The following ASMT variants were observed in gnomAD, a reference collection of about 807,000 sequenced individuals.
ASMT encodes acetylserotonin N-methyltransferase.
In ASMT, 53 loss-of-function variants were observed where a neutral mutation model predicts 41.3. The observed-to-expected ratio is 1.28, with a 90% CI of 1.03 to 1.61. The LOEUF (loss-of-function observed/expected upper bound fraction) is 1.61. Ranked by LOEUF, ASMT falls within the 40% of genes most tolerant of loss-of-function variation. The probability of loss-of-function intolerance (pLI) is 0.00; values close to 1 mark genes in which losing one functional copy is unlikely to be tolerated. For synonymous variants in ASMT, 231 were observed against 184.8 expected, an observed-to-expected ratio of 1.25 and a Z score of -2.03; for missense variants, 531 against 441.3, an observed-to-expected ratio of 1.20 and a Z score of -1.82.
rs761857507 is a variant in ASMT at position 1,623,236 on chromosome X, G to A, written c.167G>A (p.Ser56Asn). The change falls in exon 2 of 9, where the codon AGC (serine) becomes AAC (asparagine). Residue 56 changes from serine to asparagine, a missense_variant. Transcript: ENST00000381241. The stretch of plus-strand genomic sequence containing the variant: ...GCAGTGGCTGCAGGTGTGAGGGCCA[G>A]CGCCCATGGGACAGAGCTCCTGCTG... ...VAAVAAGVRA[S>N]AHGTELLLDI... is the part of the protein sequence containing the mutation. The A allele has an allele frequency of 6.2e-7, 1 of 1,613,802 alleles. No individual in the cohort carries two copies. The highest frequency in any genetic ancestry group is 1.1e-5 in the South Asian group (1 of 91,068).
intron 8 of ASMT, 190 bp downstream of exon 8, chrX:1,636,750 A>C: frequency 2.7e-6 from 1 of 370,030 alleles, no homozygotes; most frequent in Non-Finnish European, 3.7e-6. Context: ...ATAAAACCAC[A>C]TAAAGATGGA....
At chrX:1,626,567 A>T (rs1305177901) in intron 3 of ASMT, among the ~76,000 whole-genome samples, 1 of 152,100 alleles carries the variant, frequency 6.6e-6, no homozygotes, top group Non-Finnish European at 1.5e-5. Flanking sequence ...ATGGGTTGTT[A>T]TGCCAGAGTC....
At chrX:1,630,420 C>G (rs1248871537) in intron 5 of ASMT, among the ~76,000 whole-genome samples, 1 of 151,580 alleles carries the variant, frequency 6.6e-6, no homozygotes, top group South Asian at 2.1e-4. Context: ...ATTCTCCTGC[C>G]CCAGCCTCCC....
rs1934821547 is a variant in ASMT, at chrX:1,632,706, A to T, written c.565A>T (p.Thr189Ser). ...GGATGCGTTCATGTCCTTTGCAGGG[A>T]CATGGATAAAGCTGGAAACCATCAT... ...VFPLMCDLGG[T>S]WIKLETIILS... Residue 189 changes from threonine to serine, a missense_variant and splice_region_variant, in exon 6 of 9, where the codon ACA becomes TCA. Thr to Ser is a moderately conservative substitution (Grantham distance 58). Transcript: ENST00000381241. 4.0e-6 allele frequency: 1 copy of T among 250,456 alleles called. No individual in the cohort carries two copies. 15.5% of individuals were successfully genotyped at this position (250,456 alleles called of 1,614,324 possible).
chrX:1,620,415 G>A (rs1384497194), intron 1 of ASMT, among the ~76,000 whole-genome samples: 2 of 151,756 alleles, frequency 1.3e-5, no homozygotes, highest in African/African-American at 4.8e-5. Flanking sequence ...TGATCTGCCT[G>A]CCTTGGCCTC....
In ASMT at chrX:1,627,684, C is replaced by T; in HGVS notation, c.375-19C>T. The T allele has an allele frequency of 1.9e-6, 3 of 1,573,506 alleles. No homozygotes were observed. The highest frequency in any genetic ancestry group is 2.6e-6 in the Non-Finnish European group (3 of 1,143,906). ...GAAATGAAATGAAATGAAAATCAGC[C>T]TTCTCTCTCTTTTCTTAGAGAAGGA... On this transcript the variant is annotated intron_variant, in intron 3 of 8. Transcript: ENST00000381241.
At chrX:1,630,499 G>C (rs1264558639) in intron 5 of ASMT, among the ~76,000 whole-genome samples, 1 of 151,924 alleles carries the variant, frequency 6.6e-6, no homozygotes, top group Non-Finnish European at 1.5e-5. Flanking sequence ...TAGAGACGGG[G>C]TTTTGCCATG....
rs188201457 is a variant in ASMT, at chrX:1,635,098, C to T, written c.788-1340C>T. ...CACACCATTCTCCTGCCTCAGCCTC[C>T]CGAGTAGCTGGGACTACAGGCGCCC... On this transcript the variant is annotated intron_variant, in intron 7 of 8. Coordinates refer to ENST00000381241, the MANE Select transcript of ASMT (RefSeq NM_001171038.2). Among the ~76,000 whole-genome samples the T allele has an allele frequency of 2.2e-3, 332 of 150,924 alleles. 7 individuals are homozygous for T. The highest frequency in any genetic ancestry group is 7.7e-3 in the African/African-American group (315 of 40,906).
intron 1 of ASMT, among the ~76,000 whole-genome samples, chrX:1,617,699 T>C (rs1264713431): frequency 1.3e-5 from 2 of 150,260 alleles, no homozygotes; most frequent in African/African-American, 4.9e-5. Context: ...CACTGCAACC[T>C]CTGCCTCCCG....
intron 7 of ASMT, 77 bp from the exon 8 acceptor site, chrX:1,636,361 C>A (rs757213708): frequency 1.9e-6 from 3 of 1,611,154 alleles, no homozygotes; most frequent in Non-Finnish European, 2.5e-6. Context: ...TCCAGGTGAC[C>A]TTTTGTGCCC....
rs773463962 is a variant in ASMT at position 1,615,211 on chromosome X, A to C, written c.12A>C (p.Ser4=). 1.9e-6 allele frequency: 3 copies of C among 1,595,790 alleles called. No homozygotes were observed. Among genetic ancestry groups the C allele is most frequent in the African/African-American group, 2.7e-5 (2 of 74,696 alleles). The change falls in exon 1 of 9, where the codon TCA becomes TCC. Residue 4 remains serine, a synonymous_variant. Coordinates refer to ENST00000381241, the MANE Select transcript of ASMT (RefSeq NM_001171038.2). ...GGATTGGAGACAAGATGGGATCCTC[A>C]GAGGACCAGGCCTATCGCCTCCTTA... The part of the protein sequence containing the change: MGS[S]EDQAYRLLND...
At chrX:1,641,592 G>T (rs764724946) in intron 8 of ASMT, among the ~76,000 whole-genome samples, 1 of 136,664 alleles carries the variant, frequency 7.3e-6, no homozygotes. Context: ...GAGGATGTGG[G>T]CACAGCCTCT....
At chrX:1,633,350 A>C in intron 7 of ASMT, 60 bp downstream of exon 7, 1 of 1,606,780 alleles carries the variant, frequency 6.2e-7, no homozygotes, top group Non-Finnish European at 8.5e-7. Context: ...GGGGGACTGG[A>C]TGTTTCTGGG....
intron 1 of ASMT, among the ~76,000 whole-genome samples, chrX:1,616,517 C>A (rs377633001): frequency 6.6e-6 from 1 of 151,094 alleles, no homozygotes; most frequent in African/African-American, 2.4e-5. Flanking sequence ...TGGAACCCGG[C>A]GGAAGTGCTG....
At position 1,627,250 on chromosome X, in the gene ASMT, C is replaced by T. The variant is rs1250476548; in HGVS notation, c.375-453C>T. Reference sequence around the variant, plus strand: ...CTGAGGTAGGAAAATCGCTTGAACCCGGGAGGCGGAGATTACAGTGAGCCA... The same window carrying T: ...CTGAGGTAGGAAAATCGCTTGAACCTGGGAGGCGGAGATTACAGTGAGCCA... On this transcript the variant is annotated intron_variant, in intron 3 of 8. Transcript: ENST00000381241. Among the ~76,000 whole-genome samples the T allele has an allele frequency of 6.7e-5, 10 of 150,152 alleles. No individual in the cohort carries two copies. In the South Asian group the frequency reaches 1.3e-3, roughly 19 times the overall value.
At chrX:1,628,003 C>G (rs1337593678) in intron 4 of ASMT, 1 of 610,842 alleles carries the variant, frequency 1.6e-6, no homozygotes. Flanking sequence ...AAGGACTACT[C>G]ACAAACTCAG....
At chrX:1,629,510 G>A (rs1277519368) in intron 4 of ASMT, among the ~76,000 whole-genome samples, 1 of 152,158 alleles carries the variant, frequency 6.6e-6, no homozygotes, top group Non-Finnish European at 1.5e-5. Flanking sequence ...GAGCTCTGTG[G>A]ATGGGGGAAC....
At chrX:1,628,298 G>T in intron 4 of ASMT, among the ~76,000 whole-genome samples, 1 of 152,312 alleles carries the variant, frequency 6.6e-6, no homozygotes, top group South Asian at 2.1e-4. Context: ...TCCAGCCTGG[G>T]CAACAAGAGT....
At chrX:1,625,358 T>A (rs778079550) in intron 3 of ASMT, among the ~76,000 whole-genome samples, 1 of 151,284 alleles carries the variant, frequency 6.6e-6, no homozygotes, top group South Asian at 2.1e-4. Context: ...CCTGCCTACA[T>A]GGTGGCAGGC....
Sources: allele counts gnomAD v4.1 joint callset (sites outside exome capture counted in the v4.1 genomes callset), GRCh38; gene constraint gnomAD v4.1.1; transcripts MANE v1.5; gene names NCBI Gene and HGNC (gene_info 2026-07-23, HGNC 2026-07-21).